Variants in CDH12 observed in about 807,000 individuals in gnomAD.
CDH12 encodes the protein cadherin 12.
A neutral mutation model predicts 74.1 loss-of-function variants in CDH12; 41 were observed. That is an observed-to-expected ratio of 0.55 (90% CI 0.43 to 0.72). The LOEUF is 0.72. Among genes scored for constraint, CDH12 ranks in the 30% least tolerant of loss-of-function variants. The pLI, the probability that CDH12 is intolerant of heterozygous loss-of-function variation, is 0.00. For synonymous variants in CDH12, 399 were observed against 355.0 expected (o/e 1.12, Z -1.39); for missense variants, 945 against 977.2 (o/e 0.97, Z 0.44).
At chr5:22,555,410 G>A (rs1738758143) in intron 1 of CDH12, among the ~76,000 whole-genome samples, 1 of 151,916 alleles carries the variant, frequency 6.6e-6, no homozygotes, top group Non-Finnish European at 1.5e-5. Context: ...AAAAGCAGCA[G>A]TATGCCTGTG....
intron 5 of CDH12, among the ~76,000 whole-genome samples, chr5:22,062,243 G>C (rs1450294722): frequency 6.6e-6 from 1 of 152,062 alleles, no homozygotes; most frequent in Non-Finnish European, 1.5e-5. Context: ...AGCATATTAT[G>C]AAACAGCTAG....
chr5:22,244,719 G>T (rs1289043825), intron 3 of CDH12, among the ~76,000 whole-genome samples: 1 of 131,216 alleles, frequency 7.6e-6, no homozygotes, highest in Non-Finnish European at 1.6e-5. Flanking sequence ...GAAAGAGAGA[G>T]AGAAAGAAAA....
At chr5:22,399,093 T>C (rs959539847) in intron 3 of CDH12, among the ~76,000 whole-genome samples, 1 of 152,142 alleles carries the variant, frequency 6.6e-6, no homozygotes, top group Non-Finnish European at 1.5e-5. Flanking sequence ...TTTGTGTGTA[T>C]GTGTGTATCT....
intron 3 of CDH12, among the ~76,000 whole-genome samples, chr5:22,328,521 G>T (rs1033162460): frequency 6.6e-6 from 1 of 152,154 alleles, no homozygotes; most frequent in African/African-American, 2.4e-5. Context: ...ATATTGATAT[G>T]TGGCAACAAC....
At position 22,179,373 on chromosome 5, in the gene CDH12, T is replaced by C. The variant is rs192868922; in HGVS notation, c.-187+33125A>G. On this transcript the variant is annotated intron_variant, in intron 4 of 14. Transcript: ENST00000382254. ...ATTGCTTTCATCCAATAAGAGGAGATTTAGTACTATAAATAGAAAATGCTT... is the reference window on the plus strand; with the variant it reads ...ATTGCTTTCATCCAATAAGAGGAGACTTAGTACTATAAATAGAAAATGCTT... Among the ~76,000 whole-genome samples, 17 of 152,250 alleles carry C rather than the reference T, an allele frequency of 1.1e-4. No individual in the cohort carries two copies. The East Asian group carries it at 3.1e-3, about 28-fold the overall frequency.
intron 3 of CDH12, among the ~76,000 whole-genome samples, chr5:22,329,562 T>TGAGC (rs750759161): frequency 2.4e-4 from 37 of 152,282 alleles, no homozygotes; most frequent in Non-Finnish European, 4.0e-4. Context: ...AAAAATCAGG[T>TGAGC]GAGCAATCAT....
intron 2 of CDH12, among the ~76,000 whole-genome samples, chr5:22,491,291 T>C (rs1746851386): frequency 6.6e-6 from 1 of 152,200 alleles, no homozygotes; most frequent in African/African-American, 2.4e-5. Flanking sequence ...GATAATGGCC[T>C]CCAGTTGTAT....
rs1311314484 is a variant in CDH12, at chr5:22,818,227, A to G, written c.-523+34831T>C. ...CACACTGCAAAGGAAGCCATACAAG[A>G]CACTACAAAGTCCAGACCTGGCATC... On this transcript the variant is annotated intron_variant, in intron 1 of 14. Coordinates refer to ENST00000382254, the MANE Select transcript of CDH12 (RefSeq NM_004061.5). Among the ~76,000 whole-genome samples the G allele has an allele frequency of 2.0e-5, 3 of 152,270 alleles. No individual in the cohort carries two copies. In the South Asian group the frequency reaches 6.2e-4, roughly 32 times the overall value.
chr5:22,559,959 C>T (rs1187775169), intron 1 of CDH12, among the ~76,000 whole-genome samples: 2 of 152,112 alleles, frequency 1.3e-5, no homozygotes, highest in Non-Finnish European at 2.9e-5. Context: ...GCCCTTTAGT[C>T]CTTTACCTTG....
intron 2 of CDH12, among the ~76,000 whole-genome samples, chr5:22,455,992 C>T (rs1482545728): frequency 6.6e-6 from 1 of 151,946 alleles, no homozygotes; most frequent in Non-Finnish European, 1.5e-5. Flanking sequence ...AAAGTTTTTC[C>T]ATTTCTGTGC....
chr5:22,551,802 T>C (rs1738581985), intron 1 of CDH12, among the ~76,000 whole-genome samples: 1 of 152,190 alleles, frequency 6.6e-6, no homozygotes, highest in Non-Finnish European at 1.5e-5. Flanking sequence ...TAGATAAGGC[T>C]AGCAATCCAT....
intron 3 of CDH12, among the ~76,000 whole-genome samples, chr5:22,233,348 A>G (rs1215283967): frequency 6.6e-6 from 1 of 152,046 alleles, no homozygotes; most frequent in Non-Finnish European, 1.5e-5. Flanking sequence ...TAGTATCCGT[A>G]TAATTCTGTA....
chr5:22,386,251 G>C (rs1741995065), intron 3 of CDH12, among the ~76,000 whole-genome samples: 1 of 152,066 alleles, frequency 6.6e-6, no homozygotes, highest in Admixed American at 6.5e-5. Context: ...AACAGCAAGG[G>C]ATAAATCCAT....
intron 4 of CDH12, among the ~76,000 whole-genome samples, chr5:22,131,854 C>T (rs920642404): frequency 3.9e-5 from 6 of 152,042 alleles, no homozygotes; most frequent in African/African-American, 1.4e-4. Context: ...ATACTGCAAC[C>T]TCAGATCTAC....
At chr5:22,349,218 A>T (rs80211262) in intron 3 of CDH12, among the ~76,000 whole-genome samples, 1 of 152,144 alleles carries the variant, frequency 6.6e-6, no homozygotes, top group Non-Finnish European at 1.5e-5. Context: ...TCTGTTGTTT[A>T]TAAGCTGTCT....
intron 6 of CDH12, among the ~76,000 whole-genome samples, chr5:21,926,146 C>T (rs1754575491): frequency 2.0e-5 from 3 of 151,556 alleles, no homozygotes; most frequent in Admixed American, 2.0e-4. Flanking sequence ...CATATTTTTG[C>T]TCAGGAAGCT....
intron 4 of CDH12, among the ~76,000 whole-genome samples, chr5:22,125,844 A>C (rs2150281161): frequency 6.6e-6 from 1 of 152,320 alleles, no homozygotes; most frequent in East Asian, 1.9e-4. Flanking sequence ...TGATAGAAGG[A>C]GAAACCCTGT....
intron 5 of CDH12, among the ~76,000 whole-genome samples, chr5:21,991,276 G>C (rs1156788994): frequency 9.2e-5 from 14 of 151,678 alleles, no homozygotes; most frequent in African/African-American, 3.4e-4. Flanking sequence ...TATTAAAAAG[G>C]TAATAGAGTA....
At chr5:22,324,244 T>C (rs1738997116) in intron 3 of CDH12, among the ~76,000 whole-genome samples, 1 of 152,144 alleles carries the variant, frequency 6.6e-6, no homozygotes, top group Non-Finnish European at 1.5e-5. Context: ...AAGTTAGGAA[T>C]GATTTCAGTT....
Sources: allele counts gnomAD v4.1 joint callset (sites outside exome capture counted in the v4.1 genomes callset), GRCh38; gene constraint gnomAD v4.1.1; transcripts MANE v1.5; gene names NCBI Gene and HGNC (gene_info 2026-07-23, HGNC 2026-07-21).